The following PLPPR1 variants were observed in gnomAD, a reference collection of about 807,000 sequenced individuals.
PLPPR1 encodes the protein phospholipid phosphatase-related protein type 1.
A neutral mutation model predicts 33.1 loss-of-function variants in PLPPR1; 10 were observed. That is an observed-to-expected ratio of 0.30 (90% confidence interval 0.19 to 0.51). The LOEUF (loss-of-function observed/expected upper bound fraction) is 0.51, where lower values mean the gene tolerates loss of function less well. Ranked by LOEUF, PLPPR1 falls within the 20% of genes least tolerant of loss-of-function variation. The probability of loss-of-function intolerance (pLI) is 0.97; values close to 1 mark genes in which losing one functional copy is unlikely to be tolerated. For missense variants in PLPPR1, 304 were observed against 408.1 expected, an observed-to-expected ratio of 0.74 and a Z score of 2.20; for synonymous variants, 151 against 151.0, an observed-to-expected ratio of 1.00 and a Z score of 0.00.
intron 1 of PLPPR1, among the ~76,000 whole-genome samples, chr9:101,134,283 C>T (rs137927508): frequency 6.6e-6 from 1 of 152,008 alleles, no homozygotes; most frequent in Non-Finnish European, 1.5e-5. Flanking sequence ...AAGGAATTTG[C>T]TATTTAAAGA....
At chr9:101,276,685 TAAGAG>T (rs1276082130) in intron 3 of PLPPR1, among the ~76,000 whole-genome samples, 1 of 152,236 alleles carries the variant, frequency 6.6e-6, no homozygotes, top group Non-Finnish European at 1.5e-5. Flanking sequence ...TAAAAAGATA[TAAGAG>T]AACACTATGC....
At chr9:101,305,367 T>C (rs562094393) in intron 4 of PLPPR1, among the ~76,000 whole-genome samples, 1 of 152,300 alleles carries the variant, frequency 6.6e-6, no homozygotes, top group South Asian at 2.1e-4. Flanking sequence ...CCATCTTTTT[T>C]CACTGTCGTC....
intron 2 of PLPPR1, among the ~76,000 whole-genome samples, chr9:101,205,477 A>C (rs73656187): frequency 0.038 from 5,839 of 152,298 alleles, 391 homozygotes; most frequent in African/African-American, 0.13. Context: ...ATGCATTGCT[A>C]TCTACAGGAA....
At chr9:101,090,718 A>AAAAC (rs55685639) in intron 1 of PLPPR1, among the ~76,000 whole-genome samples, 18,416 of 149,914 alleles carry the variant, frequency 0.12, 1,301 homozygotes, top group South Asian at 0.17. Context: ...ACTCTGTCTC[A>AAAAC]AAACAAACAA....
At chr9:101,123,309 A>C (rs1233857578) in intron 1 of PLPPR1, among the ~76,000 whole-genome samples, 1 of 151,502 alleles carries the variant, frequency 6.6e-6, no homozygotes, top group Non-Finnish European at 1.5e-5. Context: ...TAGGTCTCTG[A>C]GCTTGGAAAT....
chr9:101,120,248 A>G (rs1047500784), intron 1 of PLPPR1, among the ~76,000 whole-genome samples: 1 of 152,232 alleles, frequency 6.6e-6, no homozygotes, highest in Non-Finnish European at 1.5e-5. Context: ...CCTTCACTCT[A>G]GCCAATGGAA....
At chr9:101,111,338 C>G (rs1318128405) in intron 1 of PLPPR1, among the ~76,000 whole-genome samples, 2 of 152,070 alleles carry the variant, frequency 1.3e-5, no homozygotes, top group East Asian at 3.8e-4. Flanking sequence ...ATTAGAATAT[C>G]TGATTCTATA....
chr9:101,210,982 T>A (rs1443694995), intron 2 of PLPPR1, among the ~76,000 whole-genome samples: 1 of 152,174 alleles, frequency 6.6e-6, no homozygotes, highest in Non-Finnish European at 1.5e-5. Flanking sequence ...TTAGCCAGGA[T>A]GGTCTCGATC....
chr9:101,266,669 C>A (rs1828005143), intron 2 of PLPPR1, among the ~76,000 whole-genome samples: 2 of 152,156 alleles, frequency 1.3e-5, no homozygotes, highest in Non-Finnish European at 2.9e-5. Context: ...ATTAAATCAG[C>A]TAGGCAACTA....
rs562383441 is a variant in PLPPR1 at position 101,090,660 on chromosome 9, G to A, written c.-46+61558G>A. ...CTGAACCTGGGAGGCGGAGTTTGCA[G>A]TGAGCCGAGATCGTGCCACTGCTCT... On this transcript the variant is annotated intron_variant, in intron 1 of 7. Coordinates refer to ENST00000374874, the MANE Select transcript of PLPPR1 (RefSeq NM_207299.2). Among the ~76,000 whole-genome samples the A allele has an allele frequency of 1.2e-3, 181 of 152,260 alleles. 1 individual carries two copies. Among genetic ancestry groups the A allele is most frequent in the African/African-American group, 4.1e-3 (171 of 41,544 alleles).
At chr9:101,290,062 A>C (rs1001089235) in intron 4 of PLPPR1, among the ~76,000 whole-genome samples, 37 of 152,192 alleles carry the variant, frequency 2.4e-4, no homozygotes, top group African/African-American at 8.9e-4. Flanking sequence ...TAATCTTGAG[A>C]AGGGTAACTT....
intron 1 of PLPPR1, among the ~76,000 whole-genome samples, chr9:101,101,055 T>C (rs781630275): frequency 4.5e-4 from 69 of 152,178 alleles, no homozygotes; most frequent in Non-Finnish European, 7.9e-4. Flanking sequence ...TAGTGTCTTG[T>C]TGAGCTTACT....
At chr9:101,076,508 G>A (rs565733612) in intron 1 of PLPPR1, among the ~76,000 whole-genome samples, 7 of 152,180 alleles carry the variant, frequency 4.6e-5, no homozygotes, top group Non-Finnish European at 1.0e-4. Context: ...TCAGTCTCAT[G>A]TTTGAATCCC....
chr9:101,056,370 A>G (rs569720216), intron 1 of PLPPR1, among the ~76,000 whole-genome samples: 4 of 152,216 alleles, frequency 2.6e-5, no homozygotes, highest in Non-Finnish European at 5.9e-5. Context: ...TTTCCAATTT[A>G]AAGCTTGAAT....
chr9:101,236,335 C>G (rs576468344), intron 2 of PLPPR1, among the ~76,000 whole-genome samples: 1 of 151,814 alleles, frequency 6.6e-6, no homozygotes, highest in South Asian at 2.1e-4. Context: ...TGTAACAAAT[C>G]TAATTTCTCA....
intron 1 of PLPPR1, among the ~76,000 whole-genome samples, chr9:101,092,726 T>C (rs10989398): frequency 0.053 from 8,125 of 152,238 alleles, 392 homozygotes; most frequent in African/African-American, 0.12. Context: ...GACTTCCATC[T>C]TATTACGGAC....
At chr9:101,318,036 A>G (rs556834105) in intron 7 of PLPPR1, among the ~76,000 whole-genome samples, 1 of 152,292 alleles carries the variant, frequency 6.6e-6, no homozygotes, top group African/African-American at 2.4e-5. Context: ...CCCTCAAATA[A>G]CTCATAGATA....
intron 1 of PLPPR1, among the ~76,000 whole-genome samples, chr9:101,118,135 C>A (rs1831137483): frequency 6.6e-6 from 1 of 152,352 alleles, no homozygotes; most frequent in East Asian, 1.9e-4. Flanking sequence ...TTATGACTAA[C>A]ATCCTAGGAC....
At chr9:101,060,552 C>T (rs1830334087) in intron 1 of PLPPR1, among the ~76,000 whole-genome samples, 1 of 151,902 alleles carries the variant, frequency 6.6e-6, no homozygotes, top group African/African-American at 2.4e-5. Flanking sequence ...TATAACAAAA[C>T]ACCATGCTGT....
Sources: allele counts gnomAD v4.1 joint callset (sites outside exome capture counted in the v4.1 genomes callset), GRCh38; gene constraint gnomAD v4.1.1; transcripts MANE v1.5; gene names NCBI Gene and HGNC (gene_info 2026-07-23, HGNC 2026-07-21).